The following OTUD7A variants were observed in gnomAD, a reference collection of about 807,000 sequenced individuals.
The protein encoded by OTUD7A is OTU deubiquitinase 7A, also known as OTU domain-containing protein 7A.
Under a neutral mutation model 65.7 loss-of-function variants are expected in OTUD7A, and 12 were observed. The observed-to-expected ratio is 0.18, with a 90% CI of 0.12 to 0.30. The LOEUF (loss-of-function observed/expected upper bound fraction) is 0.30. OTUD7A is among the 10% of genes least tolerant of loss of function. OTUD7A has a pLI of 1.00. For missense variants in OTUD7A, 1,148 were observed against 1,304.8 expected (o/e 0.88, Z 1.85); for synonymous variants, 641 against 586.3 (o/e 1.09, Z -1.35).
At chr15:31,667,621 T>A (rs1892355880) in intron 1 of OTUD7A, among the ~76,000 whole-genome samples, 1 of 152,246 alleles carries the variant, frequency 6.6e-6, no homozygotes, top group African/African-American at 2.4e-5. Flanking sequence ...TTAGGCCATT[T>A]ACATTCAATG....
At chr15:31,812,977 A>G (rs1414284475) in intron 1 of OTUD7A, among the ~76,000 whole-genome samples, 1 of 152,202 alleles carries the variant, frequency 6.6e-6, no homozygotes, top group Non-Finnish European at 1.5e-5. Context: ...CACATCATCT[A>G]TTCTCCCTCA....
At chr15:31,732,284 G>A (rs535012371) in intron 1 of OTUD7A, among the ~76,000 whole-genome samples, 12 of 152,306 alleles carry the variant, frequency 7.9e-5, no homozygotes, top group African/African-American at 2.9e-4. Context: ...GTACACATGC[G>A]CAGAGCTGGT....
At position 31,612,624 on chromosome 15, in the gene OTUD7A, C is replaced by G. The variant is rs528178553; in HGVS notation, c.152-42427G>C. On this transcript the variant is annotated intron_variant, in intron 3 of 12. Transcript: ENST00000307050. ...ACCTCTACAAAGAAAACTACAAAAC[C>G]CTGGTGAAATAAATCATAGATGACA... Among the ~76,000 whole-genome samples, 5 of 152,038 alleles carry G rather than the reference C, an allele frequency of 3.3e-5. No homozygotes were observed. In the South Asian group the frequency reaches 1.0e-3, roughly 32 times the overall value.
intron 3 of OTUD7A, among the ~76,000 whole-genome samples, chr15:31,651,583 AC>A (rs1891838318): frequency 1.6e-5 from 1 of 64,324 alleles, no homozygotes; most frequent in African/African-American, 1.8e-4. Context: ...ACACACACAC[AC>A]ACACACACAC....
At chr15:31,708,215 A>G (rs1893351500) in intron 1 of OTUD7A, among the ~76,000 whole-genome samples, 1 of 152,146 alleles carries the variant, frequency 6.6e-6, no homozygotes, top group Non-Finnish European at 1.5e-5. Context: ...AAACTTAAAA[A>G]GAGTTTCTAA....
chr15:31,505,548 T>G (rs1286715070), intron 8 of OTUD7A, among the ~76,000 whole-genome samples: 1 of 152,016 alleles, frequency 6.6e-6, no homozygotes, highest in African/African-American at 2.4e-5. Flanking sequence ...TTTACAATTC[T>G]CCCTCTTATA....
chr15:31,780,001 G>A, intron 1 of OTUD7A, among the ~76,000 whole-genome samples: 1 of 152,054 alleles, frequency 6.6e-6, no homozygotes, highest in East Asian at 1.9e-4. Flanking sequence ...CAAAGTGCTG[G>A]GATCTGCTCC....
chr15:31,824,068 G>A (rs954947679), intron 1 of OTUD7A, among the ~76,000 whole-genome samples: 2 of 152,226 alleles, frequency 1.3e-5, no homozygotes, highest in Admixed American at 6.5e-5. Context: ...AAGGCATGAA[G>A]AGCATAGTAG....
At chr15:31,604,643 T>C (rs1304536182) in intron 3 of OTUD7A, among the ~76,000 whole-genome samples, 1 of 152,190 alleles carries the variant, frequency 6.6e-6, no homozygotes, top group Non-Finnish European at 1.5e-5. Flanking sequence ...TTCACAAAAA[T>C]ACTTGCAAAT....
chr15:31,793,468 A>G (rs1327204999), intron 1 of OTUD7A, among the ~76,000 whole-genome samples: 1 of 152,026 alleles, frequency 6.6e-6, no homozygotes, highest in Non-Finnish European at 1.5e-5. Context: ...TCTATGGTCC[A>G]TTGTTATCTT....
intron 1 of OTUD7A, among the ~76,000 whole-genome samples, chr15:31,723,259 AGCTCT>A (rs1323958527): frequency 6.6e-6 from 1 of 152,154 alleles, no homozygotes; most frequent in African/African-American, 2.4e-5. Context: ...CTGATGGCGC[AGCTCT>A]GGAGGTGCTG....
intron 1 of OTUD7A, among the ~76,000 whole-genome samples, chr15:31,736,677 T>C (rs1894201570): frequency 6.6e-6 from 1 of 152,184 alleles, no homozygotes; most frequent in Non-Finnish European, 1.5e-5. Flanking sequence ...AAAACAAATC[T>C]ATATCCTCCC....
intron 1 of OTUD7A, among the ~76,000 whole-genome samples, chr15:31,666,893 C>T (rs945655038): frequency 6.6e-6 from 1 of 152,114 alleles, no homozygotes. Flanking sequence ...TGACCCAATG[C>T]TCATTCAGGA....
Position 31,666,317 on chromosome 15 carries a change from G to A in OTUD7A, c.-99-9240C>T, listed in dbSNP as rs572931264. On this transcript the variant is annotated intron_variant, in intron 1 of 12. Transcript: ENST00000307050. ...CACTGCTTGTTATTGGTCTGTTCAG[G>A]GTATCTAATTCTTCCTGATTTAAGC... is the stretch of plus-strand genomic sequence containing the variant. Among the ~76,000 whole-genome samples the A allele has an allele frequency of 5.3e-5, 8 of 151,906 alleles. No homozygotes were observed. In the East Asian group the frequency reaches 1.5e-3, roughly 29 times the overall value.
At chr15:31,765,958 T>C (rs1202476946) in intron 1 of OTUD7A, 21 of 1,381,740 alleles carry the variant, frequency 1.5e-5, no homozygotes, top group Admixed American at 1.2e-4. Flanking sequence ...AGTTCTGCAA[T>C]TGCAGCTTGA....
chr15:31,586,653 G>A (rs954200745), intron 3 of OTUD7A, among the ~76,000 whole-genome samples: 9 of 152,196 alleles, frequency 5.9e-5, no homozygotes, highest in South Asian at 4.1e-4. Context: ...AAAACAACAC[G>A]ATTGGCCCAC....
chr15:31,755,965 G>A (rs1423145895), intron 1 of OTUD7A, among the ~76,000 whole-genome samples: 3 of 152,192 alleles, frequency 2.0e-5, no homozygotes, highest in African/African-American at 7.2e-5. Flanking sequence ...ATGGGCTTAA[G>A]CCTTCTGCAA....
At chr15:31,643,806 G>C (rs939000913) in intron 3 of OTUD7A, among the ~76,000 whole-genome samples, 1 of 152,208 alleles carries the variant, frequency 6.6e-6, no homozygotes, top group Non-Finnish European at 1.5e-5. Context: ...ACTTTTGAGA[G>C]AGGAGGTAAA....
chr15:31,587,946 C>T (rs1196496151), intron 3 of OTUD7A, among the ~76,000 whole-genome samples: 1 of 152,024 alleles, frequency 6.6e-6, no homozygotes, highest in Non-Finnish European at 1.5e-5. Flanking sequence ...GAGCTATCAC[C>T]TCATCAGAAA....
Sources: gnomAD v4.1 joint callset for allele counts (sites outside exome capture counted in the v4.1 genomes callset) on GRCh38, gnomAD v4.1.1 for gene constraint, MANE v1.5 for transcripts, NCBI Gene and HGNC (gene_info 2026-07-23, HGNC 2026-07-21) for gene names.